The following LAMA3 variants were observed in gnomAD, a reference collection of about 807,000 sequenced individuals.
LAMA3 encodes laminin subunit alpha-3.
Under a neutral mutation model 402.0 loss-of-function variants are expected in LAMA3, and 281 were observed. The observed-to-expected ratio is 0.70, with a 90% CI of 0.63 to 0.77. LAMA3 has a LOEUF of 0.77. Ranked by LOEUF, LAMA3 falls within the 30% of genes least tolerant of loss-of-function variation. The pLI is 0.00. For synonymous variants in LAMA3, 1,431 were observed against 1,558.4 expected (o/e 0.92, Z 1.93); for missense variants, 3,840 against 4,215.5 (o/e 0.91, Z 2.47).
intron 51 of LAMA3, among the ~76,000 whole-genome samples, chr18:23,904,999 AAG>A (rs1349441013): frequency 6.6e-6 from 1 of 152,120 alleles, no homozygotes; most frequent in Non-Finnish European, 1.5e-5. Flanking sequence ...ATTAGCCAAA[AAG>A]AGATATTTTT....
At chr18:23,693,985 G>C (rs1044943464) in intron 1 of LAMA3, among the ~76,000 whole-genome samples, 2 of 148,820 alleles carry the variant, frequency 1.3e-5, no homozygotes, top group African/African-American at 5.1e-5. Context: ...CATCTGCTCA[G>C]AGGCAGGGAG....
chr18:23,936,150 G>T (rs2082305810), intron 67 of LAMA3, among the ~76,000 whole-genome samples: 1 of 151,990 alleles, frequency 6.6e-6, no homozygotes, highest in South Asian at 2.1e-4. Flanking sequence ...AGAGCATCCT[G>T]TCAGTAAATG....
Position 23,784,003 on chromosome 18 carries a change from A to C in LAMA3, c.1469-20A>C. Reference sequence around the variant, plus strand: ...GATGGAAGATGGAGACCCCTTCTGAAAGTTTCCTGTCTTCTGCAGGGTGTG... The same window carrying C: ...GATGGAAGATGGAGACCCCTTCTGACAGTTTCCTGTCTTCTGCAGGGTGTG... On this transcript the variant is annotated intron_variant, in intron 11 of 74. Transcript: ENST00000313654. The C allele has an allele frequency of 1.9e-6, 3 of 1,614,038 alleles. No individual in the cohort carries two copies.
intron 2 of LAMA3, among the ~76,000 whole-genome samples, chr18:23,744,709 G>A (rs953197496): frequency 1.3e-5 from 2 of 151,774 alleles, no homozygotes; most frequent in Admixed American, 1.3e-4. Flanking sequence ...GCAGGTGCCT[G>A]TGGTCCCAGC....
chr18:23,847,786 C>G, intron 32 of LAMA3, 118 bp downstream of exon 32: 1 of 1,037,226 alleles, frequency 9.6e-7, no homozygotes, highest in East Asian at 2.6e-5. Flanking sequence ...CTGTGTTGAC[C>G]TCGGCATGAG....
chr18:23,823,951 T>C (rs1444535049), intron 20 of LAMA3, among the ~76,000 whole-genome samples: 1 of 152,152 alleles, frequency 6.6e-6, no homozygotes, highest in Non-Finnish European at 1.5e-5. Flanking sequence ...AGTGGGAGGA[T>C]TGCTGGAGCT....
At chr18:23,908,691 A>G (rs956453598) in intron 54 of LAMA3, among the ~76,000 whole-genome samples, 4 of 152,054 alleles carry the variant, frequency 2.6e-5, no homozygotes, top group South Asian at 4.2e-4. Context: ...CTCAGGGGAT[A>G]TGTTCCAAGA....
chr18:23,695,796 C>CAAAAAAAAAA lies in LAMA3; in HGVS notation c.294+5850_294+5859dup, dbSNP rs58873998. 4.9e-4 allele frequency among the ~76,000 whole-genome samples: 19 copies of CAAAAAAAAAA among 38,640 alleles called. 1 individual carries two copies. The highest frequency in any genetic ancestry group is 1.2e-3 in the Admixed American group (2 of 1,730). 25.3% of individuals were successfully genotyped at this position (38,640 alleles called of 152,430 possible). On this transcript the variant is annotated intron_variant, in intron 1 of 74. Coordinates refer to ENST00000313654, the MANE Select transcript of LAMA3 (RefSeq NM_198129.4). ...TGGGTGACACAGCAAGACTCCATCT[C>CAAAAAAAAAA]AAAAAAAAAAAAAAAAAAAAAAAAA... is the stretch of plus-strand genomic sequence containing the variant.
chr18:23,717,473 G>T (rs576228410), intron 2 of LAMA3, among the ~76,000 whole-genome samples: 29 of 150,042 alleles, frequency 1.9e-4, no homozygotes, highest in Non-Finnish European at 8.9e-5. Context: ...TAGACTAGTT[G>T]GTGTTTTTCA....
intron 7 of LAMA3, 45 bp downstream of exon 7, chr18:23,758,556 C>A: frequency 7.0e-7 from 1 of 1,428,158 alleles, no homozygotes; most frequent in South Asian, 1.2e-5. Context: ...CCTTCTCCCC[C>A]CTCTCCCTGG....
intron 19 of LAMA3, 55 bp downstream of exon 19, chr18:23,820,052 C>T (rs2063254901): frequency 1.3e-6 from 2 of 1,580,718 alleles, no homozygotes; most frequent in Admixed American, 1.7e-5. Context: ...TACTTCCCCA[C>T]ACCAGTCTCA....
chr18:23,740,549 C>CTCTCT (rs1035122702), intron 2 of LAMA3, among the ~76,000 whole-genome samples: 13 of 152,230 alleles, frequency 8.5e-5, no homozygotes, highest in Admixed American at 5.9e-4. Flanking sequence ...GTGAGACACT[C>CTCTCT]TCTCTTCTCC....
intron 2 of LAMA3, among the ~76,000 whole-genome samples, chr18:23,747,309 G>T (rs886590424): frequency 2.0e-5 from 3 of 152,180 alleles, no homozygotes; most frequent in Non-Finnish European, 4.4e-5. Context: ...GGGAGGTGAA[G>T]AAAGAAGGAC....
intron 12 of LAMA3, among the ~76,000 whole-genome samples, chr18:23,801,472 T>A (rs1224064143): frequency 6.6e-6 from 1 of 152,012 alleles, no homozygotes; most frequent in African/African-American, 2.4e-5. Context: ...TGAAAAAAAA[T>A]GTTACCTGCA....
intron 1 of LAMA3, among the ~76,000 whole-genome samples, chr18:23,706,853 C>T (rs536675823): frequency 5.9e-5 from 9 of 152,156 alleles, no homozygotes; most frequent in South Asian, 2.1e-4. Context: ...CCAAGGTGGG[C>T]GGATCACCTG....
At chr18:23,812,018 CAT>C (rs2063080398) in intron 13 of LAMA3, among the ~76,000 whole-genome samples, 2 of 151,952 alleles carry the variant, frequency 1.3e-5, no homozygotes, top group Non-Finnish European at 2.9e-5. Flanking sequence ...GGATTACAGG[CAT>C]GTGCCACCAT....
chr18:23,796,709 A>G lies in LAMA3; in HGVS notation c.1603+12552A>G, dbSNP rs146207799. On this transcript the variant is annotated intron_variant, in intron 12 of 74. Transcript: ENST00000313654. The stretch of plus-strand genomic sequence containing the variant: ...TTTATCTTCCCATTGATTTTTTTTT[A>G]ATTTTTAAAATTTTTAGATGGGATC... 6.0e-3 allele frequency among the ~76,000 whole-genome samples: 910 copies of G among 151,842 alleles called. 6 individuals are homozygous for G. The highest frequency in any genetic ancestry group is 7.3e-3 in the South Asian group (35 of 4,796).
chr18:23,914,659 T>G lies in LAMA3; in HGVS notation c.7482-39T>G, dbSNP rs201821352. 6.9e-6 allele frequency: 11 copies of G among 1,598,276 alleles called. No individual in the cohort carries two copies. In the Admixed American group the frequency reaches 1.7e-4, roughly 25 times the overall value. ...TGGCTTGGCTTTGAATTCTTCAAAT[T>G]TTTTGTTTAACTTTATTATCTAAAT... On this transcript the variant is annotated intron_variant, in intron 57 of 74. Coordinates refer to ENST00000313654, the MANE Select transcript of LAMA3 (RefSeq NM_198129.4).
chr18:23,889,717 GAAGGAAGA>G (rs371894911), intron 41 of LAMA3, among the ~76,000 whole-genome samples: 13,622 of 128,822 alleles, frequency 0.11, 1,449 homozygotes, highest in African/African-American at 0.26. Context: ...AGGGAGGAAG[GAAGGAAGA>G]AAGGAAGGAA....
Sources: gnomAD v4.1 joint callset for allele counts (sites outside exome capture counted in the v4.1 genomes callset) on GRCh38, gnomAD v4.1.1 for gene constraint, MANE v1.5 for transcripts, NCBI Gene and HGNC (gene_info 2026-07-23, HGNC 2026-07-21) for gene names.